ASB9: variants seen among roughly 807,000 people sequenced by gnomAD.
ASB9 encodes ankyrin repeat and SOCS box protein 9.
In ASB9, 5 loss-of-function variants were observed where a neutral mutation model predicts 16.6. The observed-to-expected ratio is 0.30, with a 90% CI of 0.16 to 0.63. ASB9 has a LOEUF of 0.63. Ranked by LOEUF, ASB9 falls within the 30% of genes least tolerant of loss-of-function variation. The pLI, the probability that ASB9 is intolerant of heterozygous loss-of-function variation, is 0.82. For missense variants in ASB9, 216 were observed against 229.4 expected (o/e 0.94, Z 0.38); for synonymous variants, 100 against 86.4 (o/e 1.16, Z -0.87).
Position 15,244,240 on chromosome X carries a change from A to C in ASB9, c.*266T>G. 1 of 286,751 alleles carries C rather than the reference A, an allele frequency of 3.5e-6. No homozygotes were observed. Among genetic ancestry groups the C allele is most frequent in the Non-Finnish European group, 6.1e-6 (1 of 164,325 alleles). The allele number at this position is 286,751 out of a possible 1,213,427, so 23.6% of individuals were successfully genotyped here. On this transcript the variant is annotated 3_prime_UTR_variant, in exon 7 of 7. Coordinates refer to ENST00000380488, the MANE Select transcript of ASB9 (RefSeq NM_001031739.3). ...TAGATATGCAAAACAATAACTTATG[A>C]CACTCTCCATGCAGGGAAAAAAGTC...
intron 6 of ASB9, among the ~76,000 whole-genome samples, chrX:15,246,454 C>T (rs1411707138): frequency 9.0e-6 from 1 of 111,379 alleles, no homozygotes; most frequent in Non-Finnish European, 1.9e-5. Context: ...TTTCTTTTTT[C>T]CCCCAGCAAC....
At chrX:15,257,409 A>AAAT (rs928149648) in intron 2 of ASB9, among the ~76,000 whole-genome samples, 129 of 110,022 alleles carry the variant, frequency 1.2e-3, no homozygotes, top group Admixed American at 2.3e-3. Flanking sequence ...CATCTCAAAA[A>AAAT]AATAATAATA....
At chrX:15,250,617 G>C (rs1925034015) in intron 4 of ASB9, 53 bp from the exon 5 acceptor site, 1 of 1,114,884 alleles carries the variant, frequency 9.0e-7, no homozygotes, top group Admixed American at 2.4e-5. Flanking sequence ...CCCTTAGCTA[G>C]AAAGACATTG....
intron 1 of ASB9, among the ~76,000 whole-genome samples, chrX:15,262,213 C>T (rs1345446733): frequency 2.8e-5 from 3 of 107,847 alleles, no homozygotes; most frequent in Non-Finnish European, 5.7e-5. Context: ...AAATTTGTGT[C>T]ATTTCTACTT....
intron 1 of ASB9, among the ~76,000 whole-genome samples, chrX:15,267,038 T>C (rs955729878): frequency 1.2e-4 from 14 of 113,485 alleles, no homozygotes; most frequent in African/African-American, 4.5e-4. Context: ...AGCTATAAAA[T>C]AACCGTGCAG....
At chrX:15,267,449 T>G (rs1926581943) in intron 1 of ASB9, among the ~76,000 whole-genome samples, 1 of 73,680 alleles carries the variant, frequency 1.4e-5, no homozygotes, top group African/African-American at 4.6e-5. Context: ...TATATATAAT[T>G]CCTTGTAAAA....
intron 3 of ASB9, 97 bp downstream of exon 3, chrX:15,254,640 A>G (rs1355183654): frequency 1.6e-6 from 1 of 633,198 alleles, no homozygotes; most frequent in African/African-American, 2.2e-5. Context: ...TCATATTTCA[A>G]ATCAGTCTAA....
chrX:15,248,459 T>G (rs1312462820), intron 6 of ASB9, among the ~76,000 whole-genome samples: 2 of 111,892 alleles, frequency 1.8e-5, no homozygotes, highest in African/African-American at 6.5e-5. Flanking sequence ...ACTAAAATTT[T>G]AAAACAGTAT....
chrX:15,252,432 C>T, intron 3 of ASB9, 28 bp from the exon 4 acceptor site: 1 of 1,174,728 alleles, frequency 8.5e-7, no homozygotes. Flanking sequence ...AGAATGAAGA[C>T]AGGAAGGGGG....
Position 15,244,412 on chromosome X carries a change from A to G in ASB9, c.*94T>C. On this transcript the variant is annotated 3_prime_UTR_variant, in exon 7 of 7. Coordinates refer to ENST00000380488, the MANE Select transcript of ASB9 (RefSeq NM_001031739.3). ...ACAAATCTAATCGAAAAAACTAGTC[A>G]AACTCTATAAATCCAACTTGATTTT... 9.8e-7 allele frequency: 1 copy of G among 1,016,370 alleles called. No individual in the cohort carries two copies. Among genetic ancestry groups the G allele is most frequent in the East Asian group, 3.1e-5 (1 of 32,059 alleles). The allele number at this position is 1,016,370 out of a possible 1,213,427, so 83.8% of individuals were successfully genotyped here.
At chrX:15,252,180 T>TTGTC in intron 4 of ASB9, 74 bp downstream of exon 4, 1 of 1,054,907 alleles carries the variant, frequency 9.5e-7, no homozygotes, top group South Asian at 2.4e-5. Flanking sequence ...ATATATCTCC[T>TTGTC]TTTCTTTCTT....
Position 15,244,335 on chromosome X carries a change from C to T in ASB9, c.*171G>A. ...AACCCTGGCTTGAGTTTAACAAATA[C>T]AAATTGAATAGAAAAAATTAGTCAA... On this transcript the variant is annotated 3_prime_UTR_variant, in exon 7 of 7. Transcript: ENST00000380488. 1 of 553,074 alleles carries T rather than the reference C, an allele frequency of 1.8e-6. No homozygotes were observed. The highest frequency in any genetic ancestry group is 3.8e-5 in the East Asian group (1 of 26,613). 45.6% of individuals were successfully genotyped at this position (553,074 alleles called of 1,213,427 possible).
intron 1 of ASB9, among the ~76,000 whole-genome samples, chrX:15,260,329 C>T (rs995231694): frequency 1.8e-5 from 2 of 111,666 alleles, no homozygotes; most frequent in African/African-American, 3.3e-5. Context: ...ACCCGGGAGG[C>T]GGAGGTTGCA....
intron 1 of ASB9, among the ~76,000 whole-genome samples, chrX:15,269,368 T>G (rs1463875976): frequency 8.9e-6 from 1 of 111,903 alleles, no homozygotes; most frequent in Non-Finnish European, 1.9e-5. Flanking sequence ...ACTCAATCAG[T>G]GCTCAATGTT....
intron 1 of ASB9, among the ~76,000 whole-genome samples, chrX:15,267,053 C>A (rs988508494): frequency 2.2e-4 from 25 of 113,781 alleles, no homozygotes; most frequent in Non-Finnish European, 3.7e-4. Context: ...GTGCAGAAGT[C>A]AACCAAATTA....
intron 1 of ASB9, among the ~76,000 whole-genome samples, 185 bp downstream of exon 1, chrX:15,269,596 T>C (rs1378267929): frequency 2.7e-5 from 3 of 112,330 alleles, no homozygotes. Flanking sequence ...TGTAGGATTC[T>C]GCAGAAAGAA....
At chrX:15,259,236 G>A (rs375009991) in intron 1 of ASB9, 2 of 229,667 alleles carry the variant, frequency 8.7e-6, no homozygotes, top group Non-Finnish European at 1.6e-5. Context: ...TTACACACTG[G>A]TTTCAAAGGC....
chrX:15,252,960 G>A (rs913428600), intron 3 of ASB9, among the ~76,000 whole-genome samples: 20 of 112,643 alleles, frequency 1.8e-4, no homozygotes, highest in East Asian at 2.8e-4. Flanking sequence ...TTGGCCAGGC[G>A]CAGTGGCTCA....
At chrX:15,257,513 CAA>C (rs1159694137) in intron 2 of ASB9, among the ~76,000 whole-genome samples, 8 of 111,634 alleles carry the variant, frequency 7.2e-5, no homozygotes, top group Admixed American at 6.6e-4. Context: ...ATTCGTAACA[CAA>C]AAAGTTTTCA....
Sources: gnomAD v4.1 joint callset for allele counts (sites outside exome capture counted in the v4.1 genomes callset) on GRCh38, gnomAD v4.1.1 for gene constraint, MANE v1.5 for transcripts, NCBI Gene and HGNC (gene_info 2026-07-23, HGNC 2026-07-21) for gene names.